Variants in USP43 observed in about 807,000 individuals in gnomAD.
USP43 encodes ubiquitin carboxyl-terminal hydrolase 43.
A neutral mutation model predicts 90.7 loss-of-function variants in USP43; 33 were observed. That is an observed-to-expected ratio of 0.36 (90% CI 0.28 to 0.49). The LOEUF (loss-of-function observed/expected upper bound fraction) is 0.49. Ranked by LOEUF, USP43 falls within the 20% of genes least tolerant of loss-of-function variation. The probability of loss-of-function intolerance (pLI) is 0.98; values close to 1 mark genes in which losing one functional copy is unlikely to be tolerated. For missense variants in USP43, 1,274 were observed against 1,476.4 expected (o/e 0.86, Z 2.25); for synonymous variants, 598 against 615.8 (o/e 0.97, Z 0.43).
chr17:9,681,210 A>AC, intron 6 of USP43, among the ~76,000 whole-genome samples: 1 of 80,054 alleles, frequency 1.2e-5, no homozygotes. Context: ...TATATAATAT[A>AC]TACATTATAT....
At chr17:9,715,580 CTG>C (rs1271076986) in intron 14 of USP43, among the ~76,000 whole-genome samples, 16 of 120,830 alleles carry the variant, frequency 1.3e-4, no homozygotes, top group Admixed American at 7.2e-4. Flanking sequence ...GTGTGTGTGT[CTG>C]TGTGTTTGTG....
chr17:9,700,683 A>AGG (rs910403803), intron 10 of USP43, among the ~76,000 whole-genome samples: 6 of 152,174 alleles, frequency 3.9e-5, no homozygotes, highest in African/African-American at 1.4e-4. Flanking sequence ...CAGTTGCTGG[A>AGG]GGGCACACAG....
At chr17:9,651,388 C>T (rs899601966) in intron 1 of USP43, among the ~76,000 whole-genome samples, 1 of 152,068 alleles carries the variant, frequency 6.6e-6, no homozygotes, top group African/African-American at 2.4e-5. Context: ...GACAGGGTTT[C>T]ACCATGTTGG....
At chr17:9,714,055 G>A (rs75130275) in intron 14 of USP43, among the ~76,000 whole-genome samples, 5,472 of 152,216 alleles carry the variant, frequency 0.036, 312 homozygotes, top group African/African-American at 0.11. Context: ...CATCCCTCAC[G>A]TGCAGAGTTC....
At chr17:9,653,543 G>GT (rs1228107753) in intron 1 of USP43, among the ~76,000 whole-genome samples, 3 of 151,916 alleles carry the variant, frequency 2.0e-5, no homozygotes, top group Non-Finnish European at 4.4e-5. Context: ...AGCCAAGGTC[G>GT]TGCCATTGCA....
intron 6 of USP43, among the ~76,000 whole-genome samples, chr17:9,681,461 A>ATTTTAT (rs1289730265): frequency 1.5e-5 from 1 of 65,038 alleles, no homozygotes; most frequent in African/African-American, 5.8e-5. Flanking sequence ...TATAAAATAT[A>ATTTTAT]TTATATATAT....
chr17:9,691,728 C>A (rs1376708275), intron 8 of USP43, among the ~76,000 whole-genome samples: 1 of 151,904 alleles, frequency 6.6e-6, no homozygotes. Flanking sequence ...TCTCCAAATT[C>A]TTGCCAATGC....
chr17:9,711,406 C>G (rs566371859), intron 13 of USP43, among the ~76,000 whole-genome samples: 171 of 152,234 alleles, frequency 1.1e-3, no homozygotes, highest in African/African-American at 3.8e-3. Context: ...TGTCAACATA[C>G]TTTCCTTTGT....
At chr17:9,723,924 A>G (rs1358351762) in intron 14 of USP43, among the ~76,000 whole-genome samples, 1 of 151,746 alleles carries the variant, frequency 6.6e-6, no homozygotes, top group African/African-American at 2.4e-5. Flanking sequence ...TATAGTTTCT[A>G]TCTCTTGGTC....
intron 1 of USP43, among the ~76,000 whole-genome samples, chr17:9,650,000 A>G (rs2151960368): frequency 6.6e-6 from 1 of 152,276 alleles, no homozygotes; most frequent in East Asian, 1.9e-4. Context: ...TTAAGCATCA[A>G]TTTTAGATCT....
Position 9,728,238 on chromosome 17 carries a change from G to A in USP43, c.2620G>A (p.Ala874Thr). 1.2e-6 allele frequency: 2 copies of A among 1,613,864 alleles called. No individual in the cohort carries two copies. Among genetic ancestry groups the A allele is most frequent in the Non-Finnish European group, 1.7e-6 (2 of 1,179,880 alleles). ...GCCGAGGTCCAACGTCGCCCTTCCT[G>A]CTAACAGCGAAGATGGTGGGCGGGC... ...ASPRSNVALPANSEDGGRAIE... is the reference protein window; with the variant it reads ...ASPRSNVALPTNSEDGGRAIE... The change falls in exon 15 of 15, where the codon GCT becomes ACT. Residue 874 changes from alanine to threonine, a missense_variant. Ala to Thr is a moderately conservative substitution (Grantham distance 58). Coordinates refer to ENST00000285199, the MANE Select transcript of USP43 (RefSeq NM_153210.5). This position sits in a 1 kb window ranked among gnomAD's most constrained non-coding sequence, Gnocchi z 6.2.
At chr17:9,667,334 G>A (rs1007794462) in intron 3 of USP43, among the ~76,000 whole-genome samples, 1 of 152,106 alleles carries the variant, frequency 6.6e-6, no homozygotes, top group African/African-American at 2.4e-5. Flanking sequence ...CTGGCGTACA[G>A]TGAGCCGTGA....
intron 8 of USP43, among the ~76,000 whole-genome samples, chr17:9,687,644 A>T (rs79700745): frequency 6.6e-6 from 1 of 152,290 alleles, no homozygotes; most frequent in South Asian, 2.1e-4. Context: ...TCAGATTCCT[A>T]TTGTCCCCTA....
At chr17:9,715,909 ATC>A (rs1458281678) in intron 14 of USP43, among the ~76,000 whole-genome samples, 1 of 136,982 alleles carries the variant, frequency 7.3e-6, no homozygotes, top group African/African-American at 2.8e-5. Flanking sequence ...ATGTATATGT[ATC>A]TGTGTATATG....
intron 2 of USP43, among the ~76,000 whole-genome samples, chr17:9,665,085 G>T (rs1434418808): frequency 6.6e-6 from 1 of 152,168 alleles, no homozygotes; most frequent in Non-Finnish European, 1.5e-5. Context: ...TCCCATGTGT[G>T]GTAGGGAATG....
rs1160677184 is a variant in USP43, at chr17:9,728,037, C to A, written c.2419C>A (p.Gln807Lys). 3.1e-6 allele frequency: 5 copies of A among 1,613,820 alleles called. No individual in the cohort carries two copies. The Admixed American group carries it at 8.3e-5, about 27-fold the overall frequency. ...GGCACCCACCACTTCCCGAGCCAAG[C>A]AGGGACCATTCAAGACCATGCCTCT... ...MKAPTTSRAK[Q>K]GPFKTMPLRW... Residue 807 changes from glutamine to lysine, a missense_variant, in exon 15 of 15, where the codon CAG becomes AAG. Physicochemically the swap from Gln to Lys is moderately conservative, Grantham distance 53. Around this residue, in one of 6 missense-constraint regions of USP43, gnomAD observed 285 missense variants for 349.6 expected, o/e 0.82. Coordinates refer to ENST00000285199, the MANE Select transcript of USP43 (RefSeq NM_153210.5). The surrounding 1 kb of genome is among the most constrained non-coding windows in gnomAD (Gnocchi z 6.2).
At chr17:9,664,821 T>C (rs918001393) in intron 2 of USP43, among the ~76,000 whole-genome samples, 6 of 152,100 alleles carry the variant, frequency 3.9e-5, no homozygotes, top group African/African-American at 1.4e-4. Flanking sequence ...ATATTTTTAG[T>C]AGAGGTGGGG....
At chr17:9,655,763 A>G (rs1353196312) in intron 1 of USP43, among the ~76,000 whole-genome samples, 3 of 152,240 alleles carry the variant, frequency 2.0e-5, no homozygotes, top group Non-Finnish European at 4.4e-5. Context: ...ATATTTATCA[A>G]AGGAATGAAG....
At position 9,646,019 on chromosome 17, in the gene USP43, G is replaced by A; in HGVS notation, c.387G>A (p.Leu129=). 3 of 1,485,988 alleles carry A rather than the reference G, an allele frequency of 2.0e-6. No homozygotes were observed. The highest frequency in any genetic ancestry group is 2.7e-6 in the Non-Finnish European group (3 of 1,120,420). 92.1% of individuals were successfully genotyped at this position (1,485,988 alleles called of 1,614,324 possible). The part of the protein sequence containing the change: ...LSNTDLLAEF[L]ALGRYRAAPG... The stretch of plus-strand genomic sequence containing the variant: ...ACACCGACCTGCTGGCCGAGTTCCT[G>A]GCGCTGGGGCGCTACCGGGCGGCTC... The change falls in exon 1 of 15, where the codon CTG becomes CTA. Residue 129 remains leucine, a synonymous_variant. Transcript: ENST00000285199.
Sources: allele counts gnomAD v4.1 joint callset (sites outside exome capture counted in the v4.1 genomes callset), GRCh38; gene constraint gnomAD v4.1.1; regional missense constraint gnomAD v4.1.1; non-coding constraint Gnocchi (gnomAD v3.1); transcripts MANE v1.5; gene names NCBI Gene and HGNC (gene_info 2026-07-23, HGNC 2026-07-21).